The following GREB1L variants were observed in gnomAD, a reference collection of about 807,000 sequenced individuals.
GREB1L encodes the protein GREB1 like retinoic acid receptor coactivator.
GREB1L carries 17 observed loss-of-function variants against 200.8 expected under a neutral mutation model. That is an observed-to-expected ratio of 0.08 (90% CI 0.06 to 0.13). GREB1L has a LOEUF of 0.13. Ranked by LOEUF, GREB1L falls within the 10% of genes least tolerant of loss-of-function variation. The probability of loss-of-function intolerance (pLI) is 1.00; values close to 1 mark genes in which losing one functional copy is unlikely to be tolerated. For missense variants in GREB1L, 1,657 were observed against 2,367.7 expected (o/e 0.70, Z 6.23); for synonymous variants, 789 against 893.0 (o/e 0.88, Z 2.08).
At chr18:21,430,994 T>TTTTATTTA (rs59970232) in intron 7 of GREB1L, among the ~76,000 whole-genome samples, 1,672 of 141,038 alleles carry the variant, frequency 0.012, 33 homozygotes, top group African/African-American at 0.04. Flanking sequence ...TTTTCATTTA[T>TTTTATTTA]TTTATTTATT....
At chr18:21,425,833 G>A (rs1213060008) in intron 7 of GREB1L, among the ~76,000 whole-genome samples, 1 of 152,022 alleles carries the variant, frequency 6.6e-6, no homozygotes, top group Admixed American at 6.6e-5. Flanking sequence ...CATTCTGTGG[G>A]TTGTCTTTTA....
At chr18:21,500,790 C>A (rs2036756676) in intron 23 of GREB1L, 148 bp downstream of exon 23, 2 of 619,698 alleles carry the variant, frequency 3.2e-6, no homozygotes, top group Non-Finnish European at 2.7e-6. Flanking sequence ...TGCCCAAGGC[C>A]AGGCATGGCG....
intron 1 of GREB1L, among the ~76,000 whole-genome samples, chr18:21,302,307 A>G (rs1223669395): frequency 6.6e-6 from 1 of 152,246 alleles, no homozygotes; most frequent in Non-Finnish European, 1.5e-5. Context: ...TTCCACATTC[A>G]GAGGATTTTA....
At chr18:21,308,854 C>T (rs2038744739) in intron 1 of GREB1L, among the ~76,000 whole-genome samples, 1 of 152,142 alleles carries the variant, frequency 6.6e-6, no homozygotes, top group Non-Finnish European at 1.5e-5. Context: ...AAATCATCAG[C>T]TTGTTTAGTT....
At position 21,525,623 on chromosome 18, in the gene GREB1L, A is replaced by G. The variant is rs2037672933; in HGVS notation, c.*2802A>G. On this transcript the variant is annotated 3_prime_UTR_variant, in exon 33 of 33. Coordinates refer to ENST00000424526, the MANE Select transcript of GREB1L (RefSeq NM_001142966.3). The stretch of plus-strand genomic sequence containing the variant: ...TACACTCACTTTGATGTCCTTCTGG[A>G]AACAGAACAACTTTGGGTTGCTAAA... 2.0e-5 allele frequency among the ~76,000 whole-genome samples: 3 copies of G among 152,334 alleles called. No homozygotes were observed. The South Asian group carries it at 6.2e-4, about 32-fold the overall frequency.
intron 1 of GREB1L, among the ~76,000 whole-genome samples, chr18:21,360,877 T>G (rs28677923): frequency 0.03 from 4,541 of 152,328 alleles, 239 homozygotes; most frequent in African/African-American, 0.1. Flanking sequence ...GTGTTTCACA[T>G]TTGGTGACTT....
At chr18:21,270,521 G>T (rs918877962) in intron 1 of GREB1L, among the ~76,000 whole-genome samples, 2 of 152,140 alleles carry the variant, frequency 1.3e-5, no homozygotes, top group African/African-American at 4.8e-5. Flanking sequence ...TAAGCCCAGG[G>T]TGTAAGAGTT....
intron 16 of GREB1L, among the ~76,000 whole-genome samples, chr18:21,476,582 T>G (rs2035707913): frequency 6.6e-6 from 1 of 151,174 alleles, no homozygotes; most frequent in Non-Finnish European, 1.5e-5. Context: ...GGGGTTTTGT[T>G]TTTTTTTTAA....
Position 21,315,913 on chromosome 18 carries a change from A to G in GREB1L, c.-119-50114A>G, listed in dbSNP as rs1344045651. 2.6e-5 allele frequency among the ~76,000 whole-genome samples: 4 copies of G among 152,136 alleles called. No individual in the cohort carries two copies. The East Asian group carries it at 5.8e-4, about 22-fold the overall frequency. On this transcript the variant is annotated intron_variant, in intron 1 of 32. Coordinates refer to ENST00000424526, the MANE Select transcript of GREB1L (RefSeq NM_001142966.3). ...AAGAGGAGCCTTACACAACCCGCAC[A>G]TCGAAGTCCATCAACACTCTGTGAC...
chr18:21,521,873 G>A (rs923161083), intron 32 of GREB1L, among the ~76,000 whole-genome samples: 61 of 151,632 alleles, frequency 4.0e-4, no homozygotes, highest in African/African-American at 1.4e-3. Flanking sequence ...GAGTGGTGGC[G>A]TGCACCTGTA....
At chr18:21,293,716 T>C (rs1319257525) in intron 1 of GREB1L, among the ~76,000 whole-genome samples, 1 of 152,210 alleles carries the variant, frequency 6.6e-6, no homozygotes, top group Admixed American at 6.5e-5. Flanking sequence ...AGCTAGGCTC[T>C]AGGAATGAAT....
chr18:21,478,829 C>T (rs1411644739), intron 17 of GREB1L, among the ~76,000 whole-genome samples: 1 of 152,168 alleles, frequency 6.6e-6, no homozygotes, highest in Non-Finnish European at 1.5e-5. Flanking sequence ...TGCTGGGTTG[C>T]TCTGACAAAG....
intron 30 of GREB1L, among the ~76,000 whole-genome samples, chr18:21,517,833 G>GT (rs1466632421): frequency 6.6e-6 from 1 of 152,164 alleles, no homozygotes; most frequent in Non-Finnish European, 1.5e-5. Context: ...CTCGCTGTGT[G>GT]TAACTTACAT....
chr18:21,383,727 T>G, intron 3 of GREB1L, 52 bp downstream of exon 3: 3 of 1,519,596 alleles, frequency 2.0e-6, no homozygotes, highest in Non-Finnish European at 2.7e-6. Context: ...TGTTTTGTTT[T>G]TTTGAGATGG....
chr18:21,405,725 C>T (rs1038685500), intron 7 of GREB1L, among the ~76,000 whole-genome samples: 2 of 152,114 alleles, frequency 1.3e-5, no homozygotes. Flanking sequence ...TGCTTGTACC[C>T]ACGAGGTGGA....
rs1377523180 is a variant in GREB1L at position 21,429,281 on chromosome 18, T to C, written c.833-10240T>C. Among the ~76,000 whole-genome samples the C allele has an allele frequency of 7.5e-5, 8 of 107,358 alleles. No homozygotes were observed. The East Asian group carries it at 1.3e-3, about 17-fold the overall frequency. The allele number at this position is 107,358 out of a possible 152,430, so 70.4% of individuals were successfully genotyped here. A position where few individuals can be genotyped will look rare whatever the true frequency, so the allele number is the denominator to read the frequency against. On this transcript the variant is annotated intron_variant, in intron 7 of 32. Coordinates refer to ENST00000424526, the MANE Select transcript of GREB1L (RefSeq NM_001142966.3). ...TCCTGTCCTCTCCTCTCCTCTCCTCTCCTCCCCTCCCCTCTCCTCTCCTCT... is the reference window on the plus strand; with the variant it reads ...TCCTGTCCTCTCCTCTCCTCTCCTCCCCTCCCCTCCCCTCTCCTCTCCTCT...
chr18:21,519,673 CTATGAAA>C (rs1440578907), intron 31 of GREB1L, among the ~76,000 whole-genome samples: 1 of 152,110 alleles, frequency 6.6e-6, no homozygotes, highest in Non-Finnish European at 1.5e-5. Flanking sequence ...AGAAAACATC[CTATGAAA>C]CAAGTACTAT....
chr18:21,387,347 T>G (rs2040584964), intron 4 of GREB1L, among the ~76,000 whole-genome samples: 2 of 152,232 alleles, frequency 1.3e-5, no homozygotes, highest in African/African-American at 4.8e-5. Context: ...GAAATGCAGA[T>G]GAAGTTTATA....
At chr18:21,263,170 T>C (rs2037915662) in intron 1 of GREB1L, among the ~76,000 whole-genome samples, 1 of 152,196 alleles carries the variant, frequency 6.6e-6, no homozygotes, top group Admixed American at 6.5e-5. Context: ...TGATTTCCTG[T>C]GCACTGCCCT....
Sources: allele counts gnomAD v4.1 joint callset (sites outside exome capture counted in the v4.1 genomes callset), GRCh38; gene constraint gnomAD v4.1.1; transcripts MANE v1.5; gene names NCBI Gene and HGNC (gene_info 2026-07-23, HGNC 2026-07-21).